CARD8: variants seen among roughly 807,000 people sequenced by gnomAD.
CARD8 encodes caspase recruitment domain family member 8, also known as caspase recruitment domain-containing protein 8.
Under a neutral mutation model 53.2 loss-of-function variants are expected in CARD8, and 38 were observed. The ratio of observed to expected loss-of-function variants is 0.71; its 90% confidence interval spans 0.55 to 0.94. The LOEUF (loss-of-function observed/expected upper bound fraction) is 0.94. Ranked by LOEUF, CARD8 falls within the 40% of genes least tolerant of loss-of-function variation. The pLI is 0.00. For missense variants in CARD8, 561 were observed against 655.5 expected, an observed-to-expected ratio of 0.86 and a Z score of 1.57; for synonymous variants, 245 against 244.9, an observed-to-expected ratio of 1.00 and a Z score of 0.00.
intron 6 of CARD8, 137 bp downstream of exon 6, chr19:48,234,266 C>A: frequency 3.6e-6 from 3 of 833,044 alleles, no homozygotes; most frequent in Non-Finnish European, 5.5e-6. Flanking sequence ...TTTCTGGATT[C>A]ATTGCTAGTA....
intron 12 of CARD8, 127 bp from the exon 13 acceptor site, chr19:48,215,511 G>T: frequency 1.5e-6 from 1 of 664,974 alleles, no homozygotes. Context: ...CTCTTGTTTT[G>T]CACACTAATA....
Position 48,241,008 on chromosome 19 carries a change from C to G in CARD8, c.13G>C (p.Glu5Gln). The change falls in exon 4 of 14, where the codon GAG becomes CAG. Residue 5 changes from glutamate (E) to glutamine (Q), a missense_variant. By Grantham distance (29) the Glu-to-Gln change is conservative. Transcript: ENST00000651546. Reference sequence around the variant, plus strand: ...CTGCTGCTACTCTTTTCTGGACACTCCTTTTTTTCCATTTGTCAAATGTGG... The same window carrying G: ...CTGCTGCTACTCTTTTCTGGACACTGCTTTTTTTCCATTTGTCAAATGTGG... MEKK[E>Q]CPEKSSSSEE... is the part of the protein sequence containing the mutation. The G allele has an allele frequency of 6.5e-7, 1 of 1,536,018 alleles. No homozygotes were observed. The highest frequency in any genetic ancestry group is 1.7e-4 in the Middle Eastern group (1 of 5,990).
intron 11 of CARD8, among the ~76,000 whole-genome samples, chr19:48,220,983 AAGGAAG>A (rs1568696564): frequency 1.1e-4 from 11 of 99,388 alleles, no homozygotes; most frequent in East Asian, 3.1e-4. Flanking sequence ...GGAAGGAAGG[AAGGAAG>A]GAAGGAAAGA....
chr19:48,203,998 C>T (rs1172193633), downstream of CARD8: 3 of 352,094 alleles, frequency 8.5e-6, no homozygotes, highest in Non-Finnish European at 1.7e-5. Context: ...GCCCAGAGCT[C>T]CATCTGAGCA....
chr19:48,223,442 T>C (rs777478621), intron 10 of CARD8, among the ~76,000 whole-genome samples: 1 of 151,880 alleles, frequency 6.6e-6, no homozygotes, highest in Non-Finnish European at 1.5e-5. Flanking sequence ...GATGAAACTA[T>C]GATGGGGGTA....
chr19:48,207,182 AAG>A, downstream of CARD8, among the ~76,000 whole-genome samples: 1 of 125,984 alleles, frequency 7.9e-6, no homozygotes, highest in Non-Finnish European at 1.8e-5. Flanking sequence ...AAAAAAAGAA[AAG>A]AAAAGAAAAA....
intron 3 of CARD8, among the ~76,000 whole-genome samples, chr19:48,248,778 G>T (rs1336730244): frequency 6.6e-6 from 1 of 152,084 alleles, no homozygotes; most frequent in Non-Finnish European, 1.5e-5. Flanking sequence ...CAGAAAACAG[G>T]GTAACAAACT....
chr19:48,245,032 C>T (rs79415952), intron 3 of CARD8, among the ~76,000 whole-genome samples: 3,697 of 152,262 alleles, frequency 0.024, 54 homozygotes, highest in Non-Finnish European at 0.039. Flanking sequence ...AAGACCTTCC[C>T]TATTTAAGTT....
In CARD8 at chr19:48,245,736, A is replaced by G. The variant is rs938298920; in HGVS notation, c.-44+3787T>C. Reference sequence around the variant, plus strand: ...TCCTCAACCAGCTTATCTGAATGTTAGCTATATATAATTGTATTATATATA... The same window carrying G: ...TCCTCAACCAGCTTATCTGAATGTTGGCTATATATAATTGTATTATATATA... On this transcript the variant is annotated intron_variant, in intron 3 of 13. Transcript: ENST00000651546. Among the ~76,000 whole-genome samples the G allele has an allele frequency of 8.3e-4, 125 of 149,772 alleles. 1 individual carries two copies. Among genetic ancestry groups the G allele is most frequent in the African/African-American group, 3.0e-3 (122 of 41,134 alleles).
intron 6 of CARD8, chr19:48,233,193 T>C (rs1211387417): frequency 5.4e-6 from 2 of 370,312 alleles, no homozygotes; most frequent in African/African-American, 2.1e-5. Flanking sequence ...TATTAGCCAA[T>C]ATGGGTTCTA....
chr19:48,255,748 G>A, intron 1 of CARD8, 44 bp downstream of exon 1: 1 of 152,186 alleles, frequency 6.6e-6, no homozygotes, highest in East Asian at 1.9e-4. Context: ...CTACCAACAA[G>A]CCTCCGTTTC....
Position 48,238,410 on chromosome 19 carries a change from T to C in CARD8, c.182A>G (p.Gln61Arg). 1 of 1,536,132 alleles carries C rather than the reference T, an allele frequency of 6.5e-7. No homozygotes were observed. Among genetic ancestry groups the C allele is most frequent in the South Asian group, 1.2e-5 (1 of 84,056 alleles). ...ATCATTTGTCACACAGGCCTCAGCCTGAAAAAAAATTCCAGTTTTTGTGTA... is the reference window on the plus strand; with the variant it reads ...ATCATTTGTCACACAGGCCTCAGCCCGAAAAAAAATTCCAGTTTTTGTGTA... ...LQYTKTGIFF[Q>R]AEACVTNDTV... The change falls in exon 5 of 14, where the codon CAG becomes CGG. Residue 61 changes from glutamine to arginine, a missense_variant. Coordinates refer to ENST00000651546, the MANE Select transcript of CARD8 (RefSeq NM_001184900.3).
intron 8 of CARD8, among the ~76,000 whole-genome samples, chr19:48,231,336 G>A (rs1000655257): frequency 2.0e-5 from 3 of 151,952 alleles, no homozygotes; most frequent in Non-Finnish European, 2.9e-5. Context: ...ACAAAGTCTC[G>A]CTCTGTCTCC....
At chr19:48,245,995 T>G (rs2046049384) in intron 3 of CARD8, among the ~76,000 whole-genome samples, 1 of 152,118 alleles carries the variant, frequency 6.6e-6, no homozygotes, top group South Asian at 2.1e-4. Flanking sequence ...TGTGCAGACC[T>G]TATTTGAATT....
chr19:48,221,594 T>C (rs909337038), intron 11 of CARD8, 136 bp downstream of exon 11: 1 of 539,574 alleles, frequency 1.9e-6, no homozygotes. Context: ...ACTATTTTTC[T>C]ATAATTTCAA....
In CARD8 at chr19:48,234,455, A is replaced by G; in HGVS notation, c.298T>C (p.Leu100=). The change falls in exon 6 of 14, where the codon TTA becomes CTA. Residue 100 remains leucine (L), a synonymous_variant. Coordinates refer to ENST00000651546, the MANE Select transcript of CARD8 (RefSeq NM_001184900.3). The part of the protein sequence containing the change: ...QEDDETEAEP[L]LFRAVPECQL... ...CACTCAGGAACAGCACGGAACAATA[A>G]TGGCTCTGCCTCTGTCTCATCATCT... The G allele has an allele frequency of 6.2e-7, 1 of 1,613,968 alleles. No homozygotes were observed. The highest frequency in any genetic ancestry group is 8.5e-7 in the Non-Finnish European group (1 of 1,179,910).
intron 3 of CARD8, among the ~76,000 whole-genome samples, chr19:48,244,930 C>T (rs538386815): frequency 7.2e-5 from 11 of 152,310 alleles, no homozygotes; most frequent in Middle Eastern, 3.4e-3. Context: ...TACACACATT[C>T]TCGGCATAAT....
At chr19:48,241,497 C>T (rs1005605505) in intron 3 of CARD8, among the ~76,000 whole-genome samples, 6 of 152,214 alleles carry the variant, frequency 3.9e-5, no homozygotes, top group African/African-American at 1.2e-4. Flanking sequence ...CTCAGGTGAT[C>T]GGCCCGTCTC....
At chr19:48,244,649 A>G (rs2045807589) in intron 3 of CARD8, among the ~76,000 whole-genome samples, 1 of 152,230 alleles carries the variant, frequency 6.6e-6, no homozygotes, top group South Asian at 2.1e-4. Context: ...CAGAGTACAG[A>G]AATACTACAA....
Sources: allele counts gnomAD v4.1 joint callset (sites outside exome capture counted in the v4.1 genomes callset), GRCh38; gene constraint gnomAD v4.1.1; transcripts MANE v1.5; gene names NCBI Gene and HGNC (gene_info 2026-07-23, HGNC 2026-07-21).